ABCA2: variants seen among roughly 807,000 people sequenced by gnomAD.
ABCA2 encodes ATP-binding cassette sub-family A member 2.
Under a neutral mutation model 262.8 loss-of-function variants are expected in ABCA2, and 84 were observed. The observed-to-expected ratio is 0.32, with a 90% CI of 0.27 to 0.38. ABCA2 has a LOEUF of 0.38. Among genes scored for constraint, ABCA2 ranks in the 10% least tolerant of loss-of-function variants. ABCA2 has a pLI of 1.00. For missense variants in ABCA2, 2,662 were observed against 3,405.9 expected (o/e 0.78, Z 5.44); for synonymous variants, 1,696 against 1,502.9 (o/e 1.13, Z -2.97).
chr9:137,016,963 C>T lies in ABCA2; in HGVS notation c.2715G>A (p.Val905=). 6.2e-7 allele frequency: 1 copy of T among 1,612,724 alleles called. No homozygotes were observed. Among genetic ancestry groups the T allele is most frequent in the South Asian group, 1.1e-5 (1 of 91,070 alleles). ...TGTACCACGTGAGGATGCCATAGAC[C>T]ACGGCGTCCACCATCAGCATGGTGA... ...LAVTMLMVDA[V]VYGILTWYIE... The change falls in exon 19 of 49, where the codon GTG becomes GTA. Residue 905 remains valine, a synonymous_variant. Transcript: ENST00000341511.
At chr9:137,010,871 C>T (rs1831012509) in intron 39 of ABCA2, 102 bp downstream of exon 39, 2 of 1,139,724 alleles carry the variant, frequency 1.8e-6, no homozygotes, top group South Asian at 1.5e-5. Context: ...GCCTCACCCC[C>T]TCCTGCCCCA....
At chr9:137,028,379 C>T (rs1048740807), upstream of ABCA2, 39 of 637,850 alleles carry the variant, frequency 6.1e-5, no homozygotes, top group Non-Finnish European at 7.4e-5. The surrounding 1 kb of genome is among the most constrained non-coding windows in gnomAD (Gnocchi z 6.9). Flanking sequence ...GAGGCGCCCG[C>T]CGCCCGCGCC....
At position 137,015,960 on chromosome 9, in the gene ABCA2, A is replaced by T; in HGVS notation, c.3317+2T>A. The T allele has an allele frequency of 4.3e-6, 1 of 233,702 alleles. No individual in the cohort carries two copies. The highest frequency in any genetic ancestry group is 7.0e-6 in the Non-Finnish European group (1 of 142,034). 14.5% of individuals were successfully genotyped at this position (233,702 alleles called of 1,614,324 possible). On this transcript the variant is annotated splice_donor_variant, in intron 22 of 48. Transcript: ENST00000341511. LOFTEE classifies it high-confidence loss of function. Reference sequence around the variant, plus strand: ...GCCCCGCCCCCCGCCCAGCCCACCCACTTGTCCATCTCTCTGCGGATCTCC... The same window carrying T: ...GCCCCGCCCCCCGCCCAGCCCACCCTCTTGTCCATCTCTCTGCGGATCTCC...
upstream of ABCA2, chr9:137,028,570 C>T (rs1831745829): frequency 1.4e-6 from 1 of 736,300 alleles, no homozygotes; most frequent in Non-Finnish European, 1.8e-6. This position sits in a 1 kb window ranked among gnomAD's most constrained non-coding sequence, Gnocchi z 6.9. Context: ...CGGCTGCGCC[C>T]ACCGCGCTGG....
rs982200197 is a variant in ABCA2, at chr9:137,016,397, A to G, written c.2998T>C (p.Tyr1000His). Residue 1000 changes from tyrosine (Y) to histidine (H), a missense_variant, in exon 21 of 49, where the codon TAC (tyrosine) becomes CAC (histidine). By Grantham distance (83) the Tyr-to-His change is moderately conservative. Transcript: ENST00000341511. ...VVCVDKLTKV[Y>H]KDDKKLALNK... is the part of the protein sequence containing the mutation. The stretch of plus-strand genomic sequence containing the variant: ...AGGGCCAGCTTCTTGTCGTCCTTGT[A>G]GACCTTGGTGAGTTTGTCCACGCAG... 4.3e-6 allele frequency: 7 copies of G among 1,612,884 alleles called. No individual in the cohort carries two copies. The highest frequency in any genetic ancestry group is 5.9e-6 in the Non-Finnish European group (7 of 1,179,976).
chr9:137,015,309 C>A, intron 24 of ABCA2, 105 bp downstream of exon 24: 2 of 1,373,206 alleles, frequency 1.5e-6, no homozygotes, highest in Non-Finnish European at 2.0e-6. Context: ...GCATCCTGGG[C>A]CCAGCGGGTG....
rs1830884766 is a variant in ABCA2, at chr9:137,007,781, A to G, written c.*148T>C. ...GTGACCACAGGGCATGGCCGAGTAC[A>G]GGGGCTGGAGGACCAGAAGCCCCTT... is the stretch of plus-strand genomic sequence containing the variant. On this transcript the variant is annotated 3_prime_UTR_variant, in exon 49 of 49. Transcript: ENST00000341511. 8.9e-7 allele frequency: 1 copy of G among 1,119,728 alleles called. No homozygotes were observed. The highest frequency in any genetic ancestry group is 1.4e-5 in the South Asian group (1 of 73,358). 69.4% of individuals were successfully genotyped at this position (1,119,728 alleles called of 1,614,324 possible).
chr9:137,028,318 C>A (rs1439347476), upstream of ABCA2: 1 of 949,708 alleles, frequency 1.1e-6, no homozygotes, highest in Admixed American at 6.4e-5. The surrounding 1 kb of genome is among the most constrained non-coding windows in gnomAD (Gnocchi z 6.9). Context: ...ACTCTGCCCG[C>A]GCCCCGCCCG....
In ABCA2 at chr9:137,021,827, G is replaced by A. The variant is rs144851807; in HGVS notation, c.678+64C>T. 2.2e-3 allele frequency: 3,169 copies of A among 1,452,694 alleles called. 21 individuals are homozygous for A. The Middle Eastern group carries it at 0.026, about 12-fold the overall frequency. The allele number at this position is 1,452,694 out of a possible 1,614,324, so 90.0% of individuals were successfully genotyped here. On this transcript the variant is annotated intron_variant, in intron 7 of 48. Coordinates refer to ENST00000341511, the MANE Select transcript of ABCA2 (RefSeq NM_001606.5). The surrounding 1 kb of genome is among the most constrained non-coding windows in gnomAD (Gnocchi z 6.0). ...CCAAAGGGGCCCTTTCCTCACCCACGGAGCAGAAGCACCCCCAGAGGCAGG... is the reference window on the plus strand; with the variant it reads ...CCAAAGGGGCCCTTTCCTCACCCACAGAGCAGAAGCACCCCCAGAGGCAGG...
chr9:137,020,025 G>A (rs530372642), intron 10 of ABCA2: 19 of 317,052 alleles, frequency 6.0e-5, no homozygotes, highest in South Asian at 2.1e-4. Flanking sequence ...CCAGCTGCCC[G>A]CCCACGAGAC....
rs34125425 is a variant in ABCA2, at chr9:137,010,270, C to T, written c.6276G>A (p.Ala2092=). 0.025 allele frequency: 40,471 copies of T among 1,598,368 alleles called. 618 individuals carry two copies. Among genetic ancestry groups the T allele is most frequent in the Middle Eastern group, 0.062 (372 of 6,040 alleles). Residue 2092 remains alanine (A), a synonymous_variant, in exon 41 of 49, where the codon GCG becomes GCA. Transcript: ENST00000341511. ...ECFGLLGVNG[A]GKTSTFKMLT... The stretch of plus-strand genomic sequence containing the variant: ...GCATCTTGAAGGTGCTGGTCTTGCC[C>T]GCACCGTTGACGCCCAGGAGCCCGA...
Position 137,018,353 on chromosome 9 carries a change from T to TGGGGCCGGGAGGTTGGGGC in ABCA2, c.1820-21_1820-3dup, listed in dbSNP as rs753586925. On this transcript the variant is annotated splice_region_variant and splice_polypyrimidine_tract_variant and intron_variant, in intron 13 of 48. Coordinates refer to ENST00000341511, the MANE Select transcript of ABCA2 (RefSeq NM_001606.5). The stretch of plus-strand genomic sequence containing the variant: ...CCTTCCGGGTCTGGAAGATCACACC[T>TGGGGCCGGGAGGTTGGGGC]GGGGCCGGGAGGTTGGGGCGGGGCC... 2 of 1,133,298 alleles carry TGGGGCCGGGAGGTTGGGGC rather than the reference T, an allele frequency of 1.8e-6. No individual in the cohort carries two copies. The highest frequency in any genetic ancestry group is 3.3e-5 in the South Asian group (2 of 60,034). 70.2% of individuals were successfully genotyped at this position (1,133,298 alleles called of 1,614,324 possible).
At position 137,011,747 on chromosome 9, in the gene ABCA2, G is replaced by C. The variant is rs1564214112; in HGVS notation, c.5538C>G (p.Leu1846=). The change falls in exon 36 of 49, where the codon CTC becomes CTG. Residue 1846 remains leucine (L), a splice_region_variant and synonymous_variant. Transcript: ENST00000341511. The surrounding 1 kb of genome is among the most constrained non-coding windows in gnomAD (Gnocchi z 8.8). ...AGCAGGTAGCGGGGACCAGGTAGTT[G>C]AGCTGCAGGGGTGGGGGCGGCTGGT... ...YWLANYVWDM[L]NYLVPATCCV... The C allele has an allele frequency of 6.4e-7, 1 of 1,551,106 alleles. No individual in the cohort carries two copies. Among genetic ancestry groups the C allele is most frequent in the East Asian group, 2.4e-5 (1 of 40,980 alleles).
chr9:137,010,880 CATCCCT>C, intron 39 of ABCA2, 87 bp downstream of exon 39: 1 of 781,540 alleles, frequency 1.3e-6, no homozygotes, highest in Non-Finnish European at 2.0e-6. Flanking sequence ...CCTCCTGCCC[CATCCCT>C]GCCCCCACCC....
rs749620810 is a variant in ABCA2, at chr9:137,020,295, C to CA, written c.1425+40dup. Reference sequence around the variant, plus strand: ...TCCCAGGCCTGCAGAGACCCCCTCCCACTCTGCCTGTCAAACATGGAGCGT... The same window carrying CA: ...TCCCAGGCCTGCAGAGACCCCCTCCCAACTCTGCCTGTCAAACATGGAGCGT... On this transcript the variant is annotated intron_variant, in intron 10 of 48. Transcript: ENST00000341511. The CA allele has an allele frequency of 3.7e-6, 6 of 1,607,952 alleles. No homozygotes were observed. In the African/African-American group the frequency reaches 4.0e-5, roughly 11 times the overall value.
chr9:137,008,507 G>T lies in ABCA2; in HGVS notation c.7184C>A (p.Ser2395Tyr). Residue 2395 changes from serine (S) to tyrosine (Y), a missense_variant, in exon 48 of 49, where the codon TCT becomes TAT. Physicochemically the swap from Ser to Tyr is moderately radical, Grantham distance 144. Coordinates refer to ENST00000341511, the MANE Select transcript of ABCA2 (RefSeq NM_001606.5). ...GCLLSLLRPR[S>Y]APTELRALVA... ...AAGTGCCCGGAGCTCCGTGGGGGCAGACCGGGGCCGGAGCAGGCTGAGCAA... is the reference window on the plus strand; with the variant it reads ...AAGTGCCCGGAGCTCCGTGGGGGCATACCGGGGCCGGAGCAGGCTGAGCAA... 1 of 1,584,446 alleles carries T rather than the reference G, an allele frequency of 6.3e-7. No individual in the cohort carries two copies. Among genetic ancestry groups the T allele is most frequent in the Non-Finnish European group, 8.6e-7 (1 of 1,165,906 alleles).
At chr9:137,010,533 C>T in intron 40 of ABCA2, 87 bp downstream of exon 40, 2 of 1,524,238 alleles carry the variant, frequency 1.3e-6, no homozygotes, top group East Asian at 2.3e-5. Context: ...GCCCTGCCCA[C>T]CCAGGCTCCA....
intron 13 of ABCA2, 135 bp from the exon 14 acceptor site, chr9:137,018,486 G>C (rs1831341086): frequency 2.9e-6 from 2 of 692,530 alleles, no homozygotes; most frequent in Non-Finnish European, 4.5e-6. Flanking sequence ...GTGGGACAGG[G>C]CTGGGGTGGG....
rs1210153622 is a variant in ABCA2, at chr9:137,022,402, C to T, written c.516G>A (p.Leu172=). ...AGAGTGCTTGGGCCGTGCTATTGGG[C>T]AGCGACAAGTTTTGCGTCAGGAAAC... The part of the protein sequence containing the change: ...LWRFLTQNLS[L]PNSTAQALLA... Residue 172 remains leucine, a synonymous_variant, in exon 6 of 49, where the codon CTG becomes CTA. Transcript: ENST00000341511. 2 of 1,611,604 alleles carry T rather than the reference C, an allele frequency of 1.2e-6. No homozygotes were observed. Among genetic ancestry groups the T allele is most frequent in the Admixed American group, 1.7e-5 (1 of 59,862 alleles).
Sources: gnomAD v4.1 joint callset for allele counts on GRCh38, gnomAD v4.1.1 for gene constraint, Gnocchi (gnomAD v3.1) non-coding constraint, MANE v1.5 for transcripts, NCBI Gene and HGNC (gene_info 2026-07-23, HGNC 2026-07-21) for gene names.